YAP1: variants seen among roughly 807,000 people sequenced by gnomAD.
YAP1 encodes transcriptional coactivator YAP1.
Under a neutral mutation model 56.9 loss-of-function variants are expected in YAP1, and 5 were observed. The ratio of observed to expected loss-of-function variants is 0.09; its 90% CI spans 0.05 to 0.18. The LOEUF is 0.18. Among genes scored for constraint, YAP1 ranks in the 10% least tolerant of loss-of-function variants. YAP1 has a pLI of 1.00. For synonymous variants in YAP1, 265 were observed against 248.1 expected (o/e 1.07, Z -0.64); for missense variants, 539 against 651.8 (o/e 0.83, Z 1.88).
intron 6 of YAP1, among the ~76,000 whole-genome samples, chr11:102,211,145 C>G (rs1949385848): frequency 6.6e-6 from 1 of 152,174 alleles, no homozygotes; most frequent in South Asian, 2.1e-4. Context: ...GATTTGGATT[C>G]AGGTAAAAAG....
At chr11:102,190,318 A>G (rs1948205607) in intron 4 of YAP1, among the ~76,000 whole-genome samples, 1 of 152,184 alleles carries the variant, frequency 6.6e-6, no homozygotes, top group South Asian at 2.1e-4. Flanking sequence ...AGATAAAAAG[A>G]GCTATTGCGA....
chr11:102,172,491 T>C (rs1056276336), intron 3 of YAP1, among the ~76,000 whole-genome samples: 4 of 148,094 alleles, frequency 2.7e-5, no homozygotes, highest in Non-Finnish European at 6.0e-5. Context: ...TTTTTTTTTT[T>C]TTTTGGTAGA....
At chr11:102,123,647 T>TTTTTTTTTC (rs1943831416) in intron 2 of YAP1, among the ~76,000 whole-genome samples, 1 of 125,320 alleles carries the variant, frequency 8.0e-6, no homozygotes, top group Non-Finnish European at 1.7e-5. Flanking sequence ...TTTTTTTTTC[T>TTTTTTTTTC]TTTTTTTTTC....
At chr11:102,169,565 T>G (rs1307405457) in intron 3 of YAP1, among the ~76,000 whole-genome samples, 1 of 152,242 alleles carries the variant, frequency 6.6e-6, no homozygotes, top group African/African-American at 2.4e-5. Context: ...AATGAAGAGA[T>G]AGTGTATTTG....
At chr11:102,226,981 AT>A (rs1950227117) in intron 7 of YAP1, 1 of 153,936 alleles carries the variant, frequency 6.5e-6, no homozygotes. Context: ...ATAGCTAGGA[AT>A]TTAACTTGAG....
chr11:102,141,714 G>C (rs1448589658), intron 2 of YAP1, among the ~76,000 whole-genome samples: 2 of 152,038 alleles, frequency 1.3e-5, no homozygotes, highest in African/African-American at 4.8e-5. Flanking sequence ...TTCTGCATTT[G>C]GTTAAAAAAA....
At chr11:102,147,110 T>C (rs774063148) in intron 2 of YAP1, among the ~76,000 whole-genome samples, 2 of 152,204 alleles carry the variant, frequency 1.3e-5, no homozygotes, top group African/African-American at 2.4e-5. Context: ...GCCAAAATCG[T>C]AGAACTAATA....
chr11:102,163,732 G>C (rs139518844), intron 3 of YAP1, among the ~76,000 whole-genome samples: 1 of 152,250 alleles, frequency 6.6e-6, no homozygotes, highest in East Asian at 1.9e-4. Flanking sequence ...TGGGAAGGGT[G>C]GTACCATTAG....
chr11:102,228,566 C>T (rs963492243), intron 8 of YAP1, among the ~76,000 whole-genome samples: 16 of 131,612 alleles, frequency 1.2e-4, no homozygotes, highest in Admixed American at 1.8e-4. Context: ...ACCCGGGAGG[C>T]GGAGGTTGCA....
intron 2 of YAP1, among the ~76,000 whole-genome samples, chr11:102,117,789 T>C (rs1012649566): frequency 6.6e-6 from 1 of 152,248 alleles, no homozygotes; most frequent in Non-Finnish European, 1.5e-5. Context: ...ATAATATTTG[T>C]TCTACTACAT....
At chr11:102,220,314 C>G (rs1290110979) in intron 6 of YAP1, among the ~76,000 whole-genome samples, 1 of 151,924 alleles carries the variant, frequency 6.6e-6, no homozygotes, top group Non-Finnish European at 1.5e-5. Context: ...TGACCAAGAA[C>G]AAAACAAAAC....
intron 6 of YAP1, among the ~76,000 whole-genome samples, chr11:102,214,953 A>G (rs905589574): frequency 6.6e-6 from 1 of 152,194 alleles, no homozygotes; most frequent in South Asian, 2.1e-4. Flanking sequence ...TAAGATTATC[A>G]TCTAGTTCTC....
intron 2 of YAP1, among the ~76,000 whole-genome samples, chr11:102,161,129 C>T (rs775610072): frequency 7.3e-6 from 1 of 137,914 alleles, no homozygotes; most frequent in African/African-American, 2.8e-5. Context: ...GGTGCCATCT[C>T]GGCTCACTGC....
intron 6 of YAP1, among the ~76,000 whole-genome samples, chr11:102,222,451 G>A (rs1949979844): frequency 6.6e-6 from 1 of 152,174 alleles, no homozygotes; most frequent in Admixed American, 6.5e-5. Flanking sequence ...ATGGGTCACA[G>A]TGAGATGAAC....
chr11:102,212,832 C>T (rs546172757), intron 6 of YAP1, among the ~76,000 whole-genome samples: 2 of 152,304 alleles, frequency 1.3e-5, no homozygotes, highest in East Asian at 1.9e-4. Flanking sequence ...CTGCCCACCT[C>T]GTCCTCCCAA....
intron 2 of YAP1, among the ~76,000 whole-genome samples, chr11:102,155,994 C>A (rs1945917426): frequency 6.6e-6 from 1 of 152,096 alleles, no homozygotes; most frequent in South Asian, 2.1e-4. Flanking sequence ...CATGTCATGA[C>A]AAATGAGGTC....
At chr11:102,137,032 C>T (rs967115678) in intron 2 of YAP1, among the ~76,000 whole-genome samples, 2 of 152,140 alleles carry the variant, frequency 1.3e-5, no homozygotes, top group African/African-American at 4.8e-5. Flanking sequence ...TTGCAATGAA[C>T]CTATAGAAAA....
chr11:102,111,829 T>C (rs968443810), intron 1 of YAP1, among the ~76,000 whole-genome samples: 1 of 151,142 alleles, frequency 6.6e-6, no homozygotes, highest in African/African-American at 2.4e-5. Flanking sequence ...CCCCCTCCCG[T>C]TTCCCCTCCC....
intron 2 of YAP1, among the ~76,000 whole-genome samples, chr11:102,133,161 A>G (rs2135242572): frequency 9.5e-6 from 1 of 105,574 alleles, no homozygotes; most frequent in African/African-American, 2.8e-5. Flanking sequence ...CGTCTCAAAA[A>G]TAAATAAATA....
Sources: gnomAD v4.1 joint callset for allele counts (sites outside exome capture counted in the v4.1 genomes callset) on GRCh38, gnomAD v4.1.1 for gene constraint, MANE v1.5 for transcripts, NCBI Gene and HGNC (gene_info 2026-07-23, HGNC 2026-07-21) for gene names.